DOCK4: variants seen among roughly 807,000 people sequenced by gnomAD.
DOCK4 encodes the protein dedicator of cytokinesis protein 4.
Under a neutral mutation model 268.1 loss-of-function variants are expected in DOCK4, and 97 were observed. The observed-to-expected ratio is 0.36, with a 90% CI of 0.31 to 0.43. DOCK4 has a LOEUF of 0.43. Among genes scored for constraint, DOCK4 ranks in the 20% least tolerant of loss-of-function variants. The probability of loss-of-function intolerance (pLI) is 1.00; values close to 1 mark genes in which losing one functional copy is unlikely to be tolerated. For synonymous variants in DOCK4, 954 were observed against 887.2 expected (o/e 1.08, Z -1.34); for missense variants, 2,145 against 2,455.7 (o/e 0.87, Z 2.67).
At chr7:111,965,648 A>G (rs374340404) in intron 8 of DOCK4, among the ~76,000 whole-genome samples, 1 of 49,052 alleles carries the variant, frequency 2.0e-5, no homozygotes, top group East Asian at 9.5e-4. Context: ...ACAGATCAAC[A>G]AGACAGAAAG....
At chr7:111,784,056 C>G in intron 33 of DOCK4, 41 bp downstream of exon 33, 3 of 1,578,090 alleles carry the variant, frequency 1.9e-6, no homozygotes, top group Non-Finnish European at 2.6e-6. Flanking sequence ...GCAACCACTG[C>G]AACATCTCAC....
intron 8 of DOCK4, among the ~76,000 whole-genome samples, chr7:111,975,037 CG>C (rs889162817): frequency 5.9e-5 from 9 of 152,166 alleles, no homozygotes; most frequent in Non-Finnish European, 1.0e-4. Flanking sequence ...GAGGCCAAGG[CG>C]GGGGGATCAC....
At chr7:112,187,860 C>A (rs903729712) in intron 1 of DOCK4, among the ~76,000 whole-genome samples, 1 of 151,978 alleles carries the variant, frequency 6.6e-6, no homozygotes, top group Non-Finnish European at 1.5e-5. Flanking sequence ...ATTTTCATCC[C>A]TTTTTTTCAC....
intron 1 of DOCK4, among the ~76,000 whole-genome samples, chr7:112,085,280 G>A (rs780537418): frequency 6.6e-6 from 1 of 151,992 alleles, no homozygotes; most frequent in Non-Finnish European, 1.5e-5. Flanking sequence ...CAGTAAACAA[G>A]ATTAGAGATT....
intron 23 of DOCK4, among the ~76,000 whole-genome samples, chr7:111,850,468 C>A (rs1191020523): frequency 6.6e-6 from 1 of 152,110 alleles, no homozygotes; most frequent in African/African-American, 2.4e-5. Context: ...CACCATGACC[C>A]TCACCTTGAA....
At chr7:112,063,203 T>A (rs538431101) in intron 1 of DOCK4, among the ~76,000 whole-genome samples, 7 of 152,294 alleles carry the variant, frequency 4.6e-5, no homozygotes, top group African/African-American at 1.7e-4. Flanking sequence ...ATCCTGAAGA[T>A]TAAAGCTACT....
At position 111,735,186 on chromosome 7, in the gene DOCK4, G is replaced by A. The variant is rs1795389364; in HGVS notation, c.5306-19C>T. 6.6e-6 allele frequency: 10 copies of A among 1,505,324 alleles called. No individual in the cohort carries two copies. In the Admixed American group the frequency reaches 1.2e-4, roughly 19 times the overall value. 93.2% of individuals were successfully genotyped at this position (1,505,324 alleles called of 1,614,324 possible). A position where few individuals can be genotyped will look rare whatever the true frequency, so the allele number is the denominator to read the frequency against. ...TTCACAGCTGGAAGGGAATAACACA[G>A]CTAAAAACACACGGTCCAGCTTTGC... On this transcript the variant is annotated intron_variant, in intron 50 of 52. Transcript: ENST00000428084.
intron 29 of DOCK4, among the ~76,000 whole-genome samples, 180 bp from the exon 30 acceptor site, chr7:111,809,059 A>G (rs1242261600): frequency 1.3e-5 from 2 of 152,242 alleles, no homozygotes; most frequent in Non-Finnish European, 2.9e-5. Flanking sequence ...TTTTAGTAAA[A>G]GAGATCTGTT....
At chr7:112,053,228 T>G (rs1805522773) in intron 1 of DOCK4, among the ~76,000 whole-genome samples, 1 of 152,160 alleles carries the variant, frequency 6.6e-6, no homozygotes. Flanking sequence ...TGGGGTGCTG[T>G]TTATATCCTA....
intron 17 of DOCK4, among the ~76,000 whole-genome samples, chr7:111,874,731 G>A (rs1415101380): frequency 6.6e-6 from 1 of 152,150 alleles, no homozygotes; most frequent in Non-Finnish European, 1.5e-5. Context: ...ATAGGAGGAT[G>A]CCATGACCCC....
intron 25 of DOCK4, among the ~76,000 whole-genome samples, chr7:111,835,135 T>C (rs1363141314): frequency 6.6e-6 from 1 of 152,186 alleles, no homozygotes; most frequent in East Asian, 1.9e-4. Context: ...CTAAATGACT[T>C]GCCCCAAGTC....
At chr7:111,982,817 T>G (rs929508652) in intron 7 of DOCK4, among the ~76,000 whole-genome samples, 1 of 152,270 alleles carries the variant, frequency 6.6e-6, no homozygotes, top group Admixed American at 6.5e-5. Context: ...AAAAATTAAG[T>G]GAGAGATGTT....
chr7:111,892,624 G>A (rs1216846637), intron 16 of DOCK4, among the ~76,000 whole-genome samples: 1 of 152,120 alleles, frequency 6.6e-6, no homozygotes, highest in Non-Finnish European at 1.5e-5. Flanking sequence ...TATTAAATGG[G>A]CTATACTTTT....
At chr7:111,983,349 A>C (rs1436261300) in intron 7 of DOCK4, among the ~76,000 whole-genome samples, 2 of 152,180 alleles carry the variant, frequency 1.3e-5, no homozygotes, top group Non-Finnish European at 2.9e-5. Flanking sequence ...ATGCCAAAAG[A>C]GGCAGGATCA....
intron 42 of DOCK4, among the ~76,000 whole-genome samples, chr7:111,752,592 T>G (rs1205427687): frequency 1.4e-5 from 2 of 143,186 alleles, no homozygotes; most frequent in African/African-American, 5.2e-5. Flanking sequence ...TTTTTTTTTT[T>G]TTTTTTTTTT....
chr7:111,833,389 T>A (rs1010838024), intron 26 of DOCK4, among the ~76,000 whole-genome samples: 8 of 151,954 alleles, frequency 5.3e-5, no homozygotes, highest in African/African-American at 9.6e-5. Context: ...AAAAAAATTT[T>A]AAAAATTAGC....
rs374603476 is a variant in DOCK4 at position 112,114,444 on chromosome 7, C to T, written c.37+91658G>A. 2.6e-5 allele frequency among the ~76,000 whole-genome samples: 4 copies of T among 152,146 alleles called. No homozygotes were observed. In the East Asian group the frequency reaches 7.7e-4, roughly 29 times the overall value. ...CAACTGTTTACCTTGAAGTGACAGG[C>T]TCTTGTTATTCATTTCCAAAAAAAT... On this transcript the variant is annotated intron_variant, in intron 1 of 52. Coordinates refer to ENST00000428084, the MANE Select transcript of DOCK4 (RefSeq NM_001363540.2).
At chr7:111,817,183 C>T (rs1801620226) in intron 27 of DOCK4, among the ~76,000 whole-genome samples, 1 of 152,156 alleles carries the variant, frequency 6.6e-6, no homozygotes, top group African/African-American at 2.4e-5. Context: ...ATTCTTTTGT[C>T]ATTATTTGCT....
At chr7:111,915,675 C>T (rs764279930) in intron 13 of DOCK4, 104 bp downstream of exon 13, 3 of 1,173,326 alleles carry the variant, frequency 2.6e-6, no homozygotes, top group Non-Finnish European at 3.6e-6. Flanking sequence ...TTCAGCATGG[C>T]CCATGTGAAT....
Sources: gnomAD v4.1 joint callset for allele counts (sites outside exome capture counted in the v4.1 genomes callset) on GRCh38, gnomAD v4.1.1 for gene constraint, MANE v1.5 for transcripts, NCBI Gene and HGNC (gene_info 2026-07-23, HGNC 2026-07-21) for gene names.